BRWD3: variants seen among roughly 807,000 people sequenced by gnomAD.
BRWD3 encodes bromodomain and WD repeat-containing protein 3.
BRWD3 carries 10 observed loss-of-function variants against 149.7 expected under a neutral mutation model. The ratio of observed to expected loss-of-function variants is 0.07; its 90% confidence interval spans 0.04 to 0.11. The LOEUF (loss-of-function observed/expected upper bound fraction) is 0.11. BRWD3 is among the 10% of genes least tolerant of loss of function. BRWD3 has a pLI of 1.00. For missense variants in BRWD3, 940 were observed against 1,373.2 expected (o/e 0.68, Z 4.99); for synonymous variants, 504 against 456.7 (o/e 1.10, Z -1.32).
chrX:80,740,960 G>T (rs764708963), intron 8 of BRWD3, among the ~76,000 whole-genome samples: 1 of 110,937 alleles, frequency 9.0e-6, no homozygotes, highest in South Asian at 3.9e-4. Flanking sequence ...TGCACAACAT[G>T]CAGGTTTGTT....
At chrX:80,789,835 T>C (rs978394075) in intron 6 of BRWD3, among the ~76,000 whole-genome samples, 2 of 108,757 alleles carry the variant, frequency 1.8e-5, no homozygotes, top group Non-Finnish European at 3.8e-5. Context: ...TTTTTTTTTT[T>C]CCGAAAAACT....
In BRWD3 at chrX:80,745,121, C is replaced by A. The variant is rs1191254187; in HGVS notation, c.591+448G>T. Among the ~76,000 whole-genome samples, 3 of 110,035 alleles carry A rather than the reference C, an allele frequency of 2.7e-5. No homozygotes were observed. The East Asian group carries it at 8.5e-4, about 31-fold the overall frequency. ...GCTTAAAAAATAACCAGTACTGAAACCAAAAAAAAGATATAAAAAATAGCT... is the reference window on the plus strand; with the variant it reads ...GCTTAAAAAATAACCAGTACTGAAAACAAAAAAAAGATATAAAAAATAGCT... On this transcript the variant is annotated intron_variant, in intron 7 of 40. Transcript: ENST00000373275.
intron 4 of BRWD3, among the ~76,000 whole-genome samples, chrX:80,802,932 C>T (rs1038814205): frequency 1.8e-5 from 2 of 109,921 alleles, no homozygotes; most frequent in African/African-American, 6.7e-5. Context: ...GGAGAAACCC[C>T]GTCTCTGCTA....
Position 80,676,309 on chromosome X carries a change from T to C in BRWD3, c.*300A>G. 3.1e-6 allele frequency: 1 copy of C among 319,324 alleles called. No homozygotes were observed. The highest frequency in any genetic ancestry group is 5.4e-5 in the Admixed American group (1 of 18,525). The allele number at this position is 319,324 out of a possible 1,213,427, so 26.3% of individuals were successfully genotyped here. On this transcript the variant is annotated 3_prime_UTR_variant, in exon 41 of 41. Coordinates refer to ENST00000373275, the MANE Select transcript of BRWD3 (RefSeq NM_153252.5). ...CTGAATGCTCCTTTAATGTAGTAAA[T>C]CTGTAGTGTCTGTGTTGTGTTTCGT... is the stretch of plus-strand genomic sequence containing the variant.
chrX:80,698,325 T>C (rs961185045), intron 25 of BRWD3, among the ~76,000 whole-genome samples: 1 of 112,097 alleles, frequency 8.9e-6, no homozygotes, highest in African/African-American at 3.2e-5. Context: ...AAAGCTAGAA[T>C]TGAAATCCAG....
chrX:80,728,695 G>A, intron 14 of BRWD3, 57 bp downstream of exon 14: 1 of 1,042,806 alleles, frequency 9.6e-7, no homozygotes, highest in Admixed American at 2.7e-5. Flanking sequence ...AATTTCCTGT[G>A]TCTTAAAATA....
chrX:80,757,478 A>T (rs1316368084), intron 6 of BRWD3, among the ~76,000 whole-genome samples: 1 of 112,638 alleles, frequency 8.9e-6, no homozygotes, highest in Non-Finnish European at 1.9e-5. Flanking sequence ...TAACATAAAC[A>T]TGTAAATTGT....
chrX:80,687,056 T>C lies in BRWD3; in HGVS notation c.3865-53A>G, dbSNP rs2072537167. The C allele has an allele frequency of 4.5e-6, 5 of 1,106,467 alleles. No individual in the cohort carries two copies. The Admixed American group carries it at 1.1e-4, about 25-fold the overall frequency. The allele number at this position is 1,106,467 out of a possible 1,213,427, so 91.2% of individuals were successfully genotyped here. ...AAAGATCTTTCCTTAACTCAGTTGATTTTCTCATAAGTCCCTAATGTTAAT... is the reference window on the plus strand; with the variant it reads ...AAAGATCTTTCCTTAACTCAGTTGACTTTCTCATAAGTCCCTAATGTTAAT... On this transcript the variant is annotated intron_variant, in intron 34 of 40. Transcript: ENST00000373275.
chrX:80,708,067 G>C (rs888718404), intron 21 of BRWD3, among the ~76,000 whole-genome samples: 1 of 111,952 alleles, frequency 8.9e-6, no homozygotes, highest in Non-Finnish European at 1.9e-5. Flanking sequence ...TGTTTTAAAA[G>C]TACAACCGCA....
intron 7 of BRWD3, 116 bp from the exon 8 acceptor site, chrX:80,744,369 G>A (rs941534072): frequency 5.5e-6 from 3 of 542,229 alleles, no homozygotes; most frequent in African/African-American, 4.6e-5. Flanking sequence ...TTACTTTCTA[G>A]TCTCCTCTCT....
chrX:80,744,803 C>T (rs3923574), intron 7 of BRWD3, among the ~76,000 whole-genome samples: 40,516 of 110,105 alleles, frequency 0.37, 6,370 homozygotes, highest in South Asian at 0.63. Context: ...TTTATTAAAA[C>T]ATAGCATTCA....
intron 24 of BRWD3, among the ~76,000 whole-genome samples, chrX:80,702,173 T>C (rs747431319): frequency 8.9e-6 from 1 of 112,580 alleles, no homozygotes; most frequent in Admixed American, 9.4e-5. Flanking sequence ...AAGTGTATGT[T>C]TGCCTTTATA....
intron 34 of BRWD3, 101 bp from the exon 35 acceptor site, chrX:80,687,104 AT>A (rs2147684630): frequency 6.1e-5 from 2 of 32,875 alleles, no homozygotes; most frequent in East Asian, 1.4e-3. Flanking sequence ...ATGTGTGTAT[AT>A]ATATATATAT....
At position 80,746,087 on chromosome X, in the gene BRWD3, CTTGG is replaced by C. The variant is rs772169738; in HGVS notation, c.431-362_431-359del. Among the ~76,000 whole-genome samples the C allele has an allele frequency of 1.0e-4, 11 of 110,469 alleles. No homozygotes were observed. In the East Asian group the frequency reaches 3.1e-3, roughly 31 times the overall value. On this transcript the variant is annotated intron_variant, in intron 6 of 40. Coordinates refer to ENST00000373275, the MANE Select transcript of BRWD3 (RefSeq NM_153252.5). Reference sequence around the variant, plus strand: ...GAAGAAATTTTAGAATAAAACTGTACTTGGTTAAGTATATTCCTCTAAAAAATTA... The same window carrying C: ...GAAGAAATTTTAGAATAAAACTGTACTTAAGTATATTCCTCTAAAAAATTA...
At chrX:80,793,013 T>C (rs1345837299) in intron 5 of BRWD3, among the ~76,000 whole-genome samples, 1 of 107,656 alleles carries the variant, frequency 9.3e-6, no homozygotes, top group African/African-American at 3.4e-5. Context: ...AATACAAAAA[T>C]TAGCTGGGCG....
At chrX:80,726,110 T>C (rs1367366413) in intron 14 of BRWD3, among the ~76,000 whole-genome samples, 3 of 110,191 alleles carry the variant, frequency 2.7e-5, no homozygotes, top group African/African-American at 3.3e-5. Context: ...ATGTTATGTG[T>C]CTGTATAACA....
At position 80,791,855 on chromosome X, in the gene BRWD3, C is replaced by G. The variant is rs764986923; in HGVS notation, c.429G>C (p.Val143=). 9 of 1,189,711 alleles carry G rather than the reference C, an allele frequency of 7.6e-6. No individual in the cohort carries two copies. Among genetic ancestry groups the G allele is most frequent in the Non-Finnish European group, 1.0e-5 (9 of 876,156 alleles). ...ATAACACACAGGTATATTACTCACC[C>G]ACATTTGGAGGTTTCACATAATTTA... ...LPVNYVKPPN[V]VNITSARQLT... The change falls in exon 6 of 41, where the codon GTG becomes GTC. Residue 143 remains valine (V), a splice_region_variant and synonymous_variant. Transcript: ENST00000373275.
intron 4 of BRWD3, among the ~76,000 whole-genome samples, chrX:80,800,105 T>C (rs1368972716): frequency 1.8e-5 from 2 of 109,930 alleles, no homozygotes; most frequent in South Asian, 3.9e-4. Flanking sequence ...TAAGGGTTCA[T>C]GTCCAGTTTC....
intron 8 of BRWD3, among the ~76,000 whole-genome samples, chrX:80,743,435 C>G (rs1477638843): frequency 8.9e-6 from 1 of 111,844 alleles, no homozygotes; most frequent in African/African-American, 3.2e-5. Flanking sequence ...AGGATTCCCT[C>G]TTTTTCTATT....
Sources: gnomAD v4.1 joint callset for allele counts (sites outside exome capture counted in the v4.1 genomes callset) on GRCh38, gnomAD v4.1.1 for gene constraint, MANE v1.5 for transcripts, NCBI Gene and HGNC (gene_info 2026-07-23, HGNC 2026-07-21) for gene names.